DPP6: variants seen among roughly 807,000 people sequenced by gnomAD.
DPP6 encodes the protein dipeptidyl peptidase like 6.
In DPP6, 69 loss-of-function variants were observed where a neutral mutation model predicts 122.6. The ratio of observed to expected loss-of-function variants is 0.56; its 90% CI spans 0.46 to 0.69. DPP6 has a LOEUF of 0.69. DPP6 is among the 30% of genes least tolerant of loss of function. The pLI is 0.00. For synonymous variants in DPP6, 418 were observed against 433.1 expected (o/e 0.97, Z 0.43); for missense variants, 928 against 1,116.9 (o/e 0.83, Z 2.41).
intron 1 of DPP6, among the ~76,000 whole-genome samples, chr7:154,138,032 CAT>C (rs1392841341): frequency 2.0e-5 from 3 of 152,166 alleles, no homozygotes; most frequent in Admixed American, 1.3e-4. Flanking sequence ...TGCAGAAAAA[CAT>C]AGACCAGTGT....
At chr7:153,758,047 A>G in the DPP6 span, among the ~76,000 whole-genome samples, 364 of 152,334 alleles carry the variant, frequency 2.4e-3, 2 homozygotes, top group African/African-American at 8.2e-3. Flanking sequence ...AAACTATCCC[A>G]TAGTAAAACA....
intron 1 of DPP6, chr7:154,094,063 GA>G: frequency 6.6e-6 from 1 of 152,282 alleles, no homozygotes; most frequent in East Asian, 1.9e-4. Flanking sequence ...AAAATGATTA[GA>G]AATTATCTAT....
At chr7:153,788,374 C>T in the DPP6 span, among the ~76,000 whole-genome samples, 2 of 152,172 alleles carry the variant, frequency 1.3e-5, no homozygotes, top group African/African-American at 4.8e-5. Flanking sequence ...TGAACAGTTA[C>T]TCATACGTGC....
intron 5 of DPP6, among the ~76,000 whole-genome samples, chr7:154,579,384 GTT>G (rs1207097322): frequency 6.6e-6 from 1 of 152,082 alleles, no homozygotes; most frequent in African/African-American, 2.4e-5. Flanking sequence ...AAAATCTTAT[GTT>G]TTCTTACTCT....
Position 154,315,675 on chromosome 7 carries a change from G to A in DPP6, c.244-130539G>A, listed in dbSNP as rs116491335. Among the ~76,000 whole-genome samples the A allele has an allele frequency of 2.4e-3, 365 of 152,272 alleles. 1 individual carries two copies. The highest frequency in any genetic ancestry group is 0.014 in the Middle Eastern group (4 of 294). On this transcript the variant is annotated intron_variant, in intron 1 of 25. Coordinates refer to ENST00000377770, the MANE Select transcript of DPP6 (RefSeq NM_130797.4). Reference sequence around the variant, plus strand: ...AGAAGAGGCTGGAATGGGCCAGGGAGAGTGGTAAGGGAGCAATGGGTAGGA... The same window carrying A: ...AGAAGAGGCTGGAATGGGCCAGGGAAAGTGGTAAGGGAGCAATGGGTAGGA...
intron 1 of DPP6, among the ~76,000 whole-genome samples, chr7:153,918,827 A>C (rs556415987): frequency 6.6e-6 from 1 of 151,974 alleles, no homozygotes; most frequent in East Asian, 1.9e-4. Context: ...TAAAATACAA[A>C]AATTAGCTGG....
chr7:154,044,804 A>G (rs548328068), intron 1 of DPP6, among the ~76,000 whole-genome samples: 3 of 152,322 alleles, frequency 2.0e-5, no homozygotes, highest in Admixed American at 2.0e-4. Context: ...ATTGATTTTT[A>G]ATTAAGGACA....
intron 1 of DPP6, among the ~76,000 whole-genome samples, chr7:154,029,495 T>C (rs1799117970): frequency 1.3e-5 from 2 of 150,930 alleles, no homozygotes; most frequent in East Asian, 2.0e-4. Context: ...CCAGCCTGGG[T>C]GACTGAGCGA....
intron 5 of DPP6, among the ~76,000 whole-genome samples, chr7:154,631,669 GAA>G (rs61353112): frequency 0.014 from 2,032 of 141,166 alleles, 52 homozygotes; most frequent in African/African-American, 0.048. Context: ...TCTGTCTCAA[GAA>G]AAAAAAAAAA....
intron 1 of DPP6, among the ~76,000 whole-genome samples, chr7:154,391,597 C>T (rs567128051): frequency 6.6e-6 from 1 of 152,322 alleles, no homozygotes; most frequent in African/African-American, 2.4e-5. Flanking sequence ...GTCAATAACC[C>T]TCCCCTGTGG....
chr7:154,533,958 A>G (rs1210090443), intron 3 of DPP6, among the ~76,000 whole-genome samples: 1 of 151,928 alleles, frequency 6.6e-6, no homozygotes, highest in East Asian at 1.9e-4. Flanking sequence ...TGATCATGCT[A>G]CTGCACTTCA....
chr7:154,031,860 TG>T (rs1280651561), intron 1 of DPP6, among the ~76,000 whole-genome samples: 114 of 126,358 alleles, frequency 9.0e-4, no homozygotes, highest in Middle Eastern at 4.0e-3. Context: ...TCCTTTTTTT[TG>T]TTTTTTTTTT....
chr7:153,767,291 A>G, the DPP6 span, among the ~76,000 whole-genome samples: 1 of 152,172 alleles, frequency 6.6e-6, no homozygotes, highest in Non-Finnish European at 1.5e-5. Flanking sequence ...TGCTACAATA[A>G]ATGCAATTTT....
At chr7:153,780,899 A>G in the DPP6 span, among the ~76,000 whole-genome samples, 1 of 152,186 alleles carries the variant, frequency 6.6e-6, no homozygotes, top group Non-Finnish European at 1.5e-5. Context: ...ATGGATCACA[A>G]CCTGGTGTCT....
At chr7:154,725,939 C>G (rs1242983283) in intron 7 of DPP6, among the ~76,000 whole-genome samples, 1 of 152,218 alleles carries the variant, frequency 6.6e-6, no homozygotes, top group Non-Finnish European at 1.5e-5. Flanking sequence ...AGGCCACATG[C>G]AAGTCTGAAA....
At chr7:154,750,762 G>A (rs931001715) in intron 8 of DPP6, among the ~76,000 whole-genome samples, 1 of 152,248 alleles carries the variant, frequency 6.6e-6, no homozygotes, top group African/African-American at 2.4e-5. Context: ...TGGTCCCAGA[G>A]GAGAGCCTGA....
chr7:154,026,557 T>C (rs1366282922), intron 1 of DPP6: 1 of 152,166 alleles, frequency 6.6e-6, no homozygotes, highest in African/African-American at 2.4e-5. Flanking sequence ...TCATGGACAT[T>C]AAGCTGGAAT....
intron 3 of DPP6, among the ~76,000 whole-genome samples, chr7:154,500,297 A>T (rs12668503): frequency 6.6e-6 from 1 of 152,102 alleles, no homozygotes. Flanking sequence ...TGAATTGCAC[A>T]CTGTAAAATA....
At chr7:153,959,387 A>G (rs1010774778) in intron 1 of DPP6, among the ~76,000 whole-genome samples, 4 of 152,302 alleles carry the variant, frequency 2.6e-5, no homozygotes, top group African/African-American at 9.6e-5. Context: ...AGGGACTCAA[A>G]CTAGGAGTCC....
Sources: allele counts gnomAD v4.1 joint callset (sites outside exome capture counted in the v4.1 genomes callset), GRCh38; gene constraint gnomAD v4.1.1; transcripts MANE v1.5; gene names NCBI Gene and HGNC (gene_info 2026-07-23, HGNC 2026-07-21).